Variants in GABRB1 observed in about 807,000 individuals in gnomAD.
GABRB1 encodes gamma-aminobutyric acid type A receptor subunit beta1, also known as gamma-aminobutyric acid receptor subunit beta-1.
GABRB1 carries 17 observed loss-of-function variants against 51.6 expected under a neutral mutation model. The ratio of observed to expected loss-of-function variants is 0.33; its 90% CI spans 0.23 to 0.49. GABRB1 has a LOEUF of 0.49. GABRB1 is among the 20% of genes least tolerant of loss of function. The pLI is 0.99. For missense variants in GABRB1, 410 were observed against 600.6 expected, an observed-to-expected ratio of 0.68 and a Z score of 3.32; for synonymous variants, 247 against 218.9, an observed-to-expected ratio of 1.13 and a Z score of -1.14.
chr4:47,107,739 A>G (rs927380097), intron 3 of GABRB1, among the ~76,000 whole-genome samples: 3 of 152,030 alleles, frequency 2.0e-5, no homozygotes, highest in African/African-American at 7.2e-5. Context: ...GGTTGGGAGG[A>G]AAATCAATCT....
In GABRB1 at chr4:47,394,600, T is replaced by C. The variant is rs575435351; in HGVS notation, c.545-8718T>C. On this transcript the variant is annotated intron_variant, in intron 5 of 8. Coordinates refer to ENST00000295454, the MANE Select transcript of GABRB1 (RefSeq NM_000812.4). ...AGAAGACAGCTTTAAATTTGGACTGTATTGCCTTGTCTCCTTAAAGGATTT... is the reference window on the plus strand; with the variant it reads ...AGAAGACAGCTTTAAATTTGGACTGCATTGCCTTGTCTCCTTAAAGGATTT... Among the ~76,000 whole-genome samples, 3 of 152,316 alleles carry C rather than the reference T, an allele frequency of 2.0e-5. No homozygotes were observed. The South Asian group carries it at 6.2e-4, about 32-fold the overall frequency.
At chr4:47,278,986 T>C (rs1426833557) in intron 4 of GABRB1, among the ~76,000 whole-genome samples, 2 of 152,152 alleles carry the variant, frequency 1.3e-5, no homozygotes, top group African/African-American at 2.4e-5. Context: ...TCATTTTTGT[T>C]ACTCTTATTT....
At chr4:47,086,250 G>T (rs1728053263) in intron 3 of GABRB1, among the ~76,000 whole-genome samples, 1 of 152,110 alleles carries the variant, frequency 6.6e-6, no homozygotes, top group African/African-American at 2.4e-5. Context: ...TAAATATTCA[G>T]CTCTTCAAAG....
intron 4 of GABRB1, among the ~76,000 whole-genome samples, chr4:47,277,897 A>C (rs1338887218): frequency 6.6e-6 from 1 of 152,022 alleles, no homozygotes; most frequent in East Asian, 1.9e-4. Flanking sequence ...TTTTAATACA[A>C]TTGTTTTCCT....
At chr4:47,313,978 C>T (rs4299555) in intron 4 of GABRB1, among the ~76,000 whole-genome samples, 150,135 of 152,196 alleles carry the variant, frequency 0.99, 74,061 homozygotes, top group East Asian at 1. Context: ...TATTCCAAGA[C>T]GGAAGTTGTT....
At chr4:47,099,957 A>G (rs911226848) in intron 3 of GABRB1, among the ~76,000 whole-genome samples, 1 of 152,046 alleles carries the variant, frequency 6.6e-6, no homozygotes, top group African/African-American at 2.4e-5. Flanking sequence ...AAGAATATTT[A>G]TATTCTATTT....
intron 5 of GABRB1, among the ~76,000 whole-genome samples, chr4:47,385,960 G>T (rs1021276544): frequency 2.0e-5 from 3 of 152,300 alleles, no homozygotes; most frequent in Middle Eastern, 3.4e-3. Flanking sequence ...AGTTGTGGGG[G>T]TGCAAAGCTT....
At chr4:47,246,398 AAT>A (rs1483005947) in intron 4 of GABRB1, among the ~76,000 whole-genome samples, 1 of 78,852 alleles carries the variant, frequency 1.3e-5, no homozygotes, top group African/African-American at 5.0e-5. Context: ...ATATATATAA[AAT>A]ACCACAGTTT....
chr4:47,250,639 G>C (rs1480135136), intron 4 of GABRB1, among the ~76,000 whole-genome samples: 1 of 152,040 alleles, frequency 6.6e-6, no homozygotes, highest in Non-Finnish European at 1.5e-5. Context: ...TGGAGGCTTT[G>C]TTCATATTTT....
intron 8 of GABRB1, among the ~76,000 whole-genome samples, chr4:47,420,186 GCACC>G (rs1234039877): frequency 6.6e-6 from 1 of 152,172 alleles, no homozygotes; most frequent in Admixed American, 6.5e-5. Context: ...TATCTGCACT[GCACC>G]CTCTTAGGAA....
chr4:47,088,813 G>A (rs551488092), intron 3 of GABRB1, among the ~76,000 whole-genome samples: 6 of 152,236 alleles, frequency 3.9e-5, no homozygotes, highest in Non-Finnish European at 7.4e-5. Context: ...CCAGTCAGCC[G>A]TAGTTTATTC....
At chr4:47,078,209 G>A (rs1039573960) in intron 3 of GABRB1, among the ~76,000 whole-genome samples, 3 of 151,332 alleles carry the variant, frequency 2.0e-5, no homozygotes, top group East Asian at 3.9e-4. Context: ...GGCTGGTCTC[G>A]AACTCCCAAC....
intron 4 of GABRB1, among the ~76,000 whole-genome samples, chr4:47,278,312 G>T (rs1461333074): frequency 6.6e-6 from 1 of 151,942 alleles, no homozygotes; most frequent in Non-Finnish European, 1.5e-5. Flanking sequence ...TAACTATTTT[G>T]CCAATTACGT....
intron 5 of GABRB1, among the ~76,000 whole-genome samples, chr4:47,395,252 A>T (rs914030734): frequency 2.0e-5 from 3 of 152,188 alleles, no homozygotes; most frequent in African/African-American, 7.2e-5. Context: ...GGCTATACAA[A>T]GGCTTGGAGG....
intron 4 of GABRB1, among the ~76,000 whole-genome samples, chr4:47,314,631 C>T (rs187416975): frequency 6.6e-5 from 10 of 151,924 alleles, no homozygotes; most frequent in African/African-American, 2.4e-4. Context: ...ACTATTGTTA[C>T]TTTTTGCTGC....
At chr4:47,122,100 T>C (rs901741408) in intron 3 of GABRB1, among the ~76,000 whole-genome samples, 3 of 152,266 alleles carry the variant, frequency 2.0e-5, no homozygotes, top group Non-Finnish European at 2.9e-5. Context: ...TCTGGGAAAG[T>C]CCTGTCAGTA....
At chr4:47,278,633 G>A (rs1270951782) in intron 4 of GABRB1, among the ~76,000 whole-genome samples, 1 of 152,056 alleles carries the variant, frequency 6.6e-6, no homozygotes, top group Non-Finnish European at 1.5e-5. Flanking sequence ...CTTTTGCCTG[G>A]CCCTCAATGT....
At chr4:47,112,720 C>G (rs1007644727) in intron 3 of GABRB1, among the ~76,000 whole-genome samples, 1 of 151,734 alleles carries the variant, frequency 6.6e-6, no homozygotes, top group Non-Finnish European at 1.5e-5. Context: ...AAGTGCCTAC[C>G]TTGTGTCAAG....
chr4:47,309,243 TC>T (rs1724578704), intron 4 of GABRB1, among the ~76,000 whole-genome samples: 1 of 145,560 alleles, frequency 6.9e-6, no homozygotes, highest in Non-Finnish European at 1.5e-5. Flanking sequence ...ATTGTTCTAT[TC>T]CCTATTAATC....
Sources: allele counts gnomAD v4.1 joint callset (sites outside exome capture counted in the v4.1 genomes callset), GRCh38; gene constraint gnomAD v4.1.1; transcripts MANE v1.5; gene names NCBI Gene and HGNC (gene_info 2026-07-23, HGNC 2026-07-21).